Variants in PTK7 observed in about 807,000 individuals in gnomAD.
PTK7 encodes the protein inactive tyrosine-protein kinase 7.
PTK7 carries 39 observed loss-of-function variants against 116.6 expected under a neutral mutation model. The ratio of observed to expected loss-of-function variants is 0.33; its 90% CI spans 0.26 to 0.44. The LOEUF (loss-of-function observed/expected upper bound fraction) is 0.44, where lower values mean the gene tolerates loss of function less well. Ranked by LOEUF, PTK7 falls within the 20% of genes least tolerant of loss-of-function variation. The pLI is 1.00. For missense variants in PTK7, 1,169 were observed against 1,425.6 expected, an observed-to-expected ratio of 0.82 and a Z score of 2.90; for synonymous variants, 546 against 563.6, an observed-to-expected ratio of 0.97 and a Z score of 0.44.
At chr6:43,128,768 A>G (rs1769451011) in intron 1 of PTK7, among the ~76,000 whole-genome samples, 1 of 152,214 alleles carries the variant, frequency 6.6e-6, no homozygotes, top group Admixed American at 6.5e-5. Context: ...CTGGGTGACA[A>G]GAGCAAAAAA....
chr6:43,159,824 G>A lies in PTK7; in HGVS notation c.2910G>A (p.Leu970=), dbSNP rs758982422. 6.2e-7 allele frequency: 1 copy of A among 1,614,244 alleles called. No individual in the cohort carries two copies. The highest frequency in any genetic ancestry group is 1.3e-5 in the African/African-American group (1 of 75,070). Reference sequence around the variant, plus strand: ...ACTTCCGCCAGGCCTGGGTGCCGCTGCGCTGGATGTCCCCCGAGGCCATCC... The same window carrying A: ...ACTTCCGCCAGGCCTGGGTGCCGCTACGCTGGATGTCCCCCGAGGCCATCC... ...YYHFRQAWVP[L]RWMSPEAILE... Residue 970 remains leucine, a synonymous_variant, in exon 19 of 20, where the codon CTG becomes CTA. Transcript: ENST00000230419.
intron 17 of PTK7, among the ~76,000 whole-genome samples, chr6:43,149,036 G>A (rs1770899516): frequency 7.2e-6 from 1 of 138,010 alleles, no homozygotes; most frequent in Admixed American, 8.0e-5. Flanking sequence ...TCCAGCCTGG[G>A]AGACAAGAGC....
In PTK7 at chr6:43,141,308, G is replaced by C. The variant is rs1177436771; in HGVS notation, c.1619-360G>C. On this transcript the variant is annotated intron_variant, in intron 10 of 19. Coordinates refer to ENST00000230419, the MANE Select transcript of PTK7 (RefSeq NM_002821.5). The surrounding 1 kb of genome is among the most constrained non-coding windows in gnomAD (Gnocchi z 4.9). Reference sequence around the variant, plus strand: ...CTGCTCAGGTCTGGGGGAACTTTCTGGGAGAGGTGAGGCTTAAAATGGATC... The same window carrying C: ...CTGCTCAGGTCTGGGGGAACTTTCTCGGAGAGGTGAGGCTTAAAATGGATC... Among the ~76,000 whole-genome samples, 2 of 152,110 alleles carry C rather than the reference G, an allele frequency of 1.3e-5. No individual in the cohort carries two copies. Among genetic ancestry groups the C allele is most frequent in the Non-Finnish European group, 2.9e-5 (2 of 68,014 alleles).
chr6:43,081,415 G>GT (rs1044135059), intron 1 of PTK7, among the ~76,000 whole-genome samples: 10 of 151,454 alleles, frequency 6.6e-5, no homozygotes, highest in East Asian at 1.9e-4. Flanking sequence ...GTTTGTTTTT[G>GT]TTTTTTTTGA....
Position 43,130,434 on chromosome 6 carries a change from G to C in PTK7, c.661+14G>C. On this transcript the variant is annotated intron_variant, in intron 4 of 19. Transcript: ENST00000230419. ...TGAGCATTGCTGGTGAGCCTGGGGT[G>C]GGGGCGGAAGGGATGAGGTGAGCAC... 6.2e-7 allele frequency: 1 copy of C among 1,602,326 alleles called. No homozygotes were observed. The highest frequency in any genetic ancestry group is 8.5e-7 in the Non-Finnish European group (1 of 1,170,852).
chr6:43,133,779 T>C (rs1274781397), intron 7 of PTK7: 2 of 152,208 alleles, frequency 1.3e-5, no homozygotes, highest in Non-Finnish European at 1.5e-5. Context: ...GTTACTATTA[T>C]CTTTCCGAGT....
At chr6:43,127,379 C>T (rs1157167636) in intron 1 of PTK7, among the ~76,000 whole-genome samples, 1 of 152,240 alleles carries the variant, frequency 6.6e-6, no homozygotes, top group East Asian at 1.9e-4. Context: ...CTGCCGCCGC[C>T]GTAACCATGC....
intron 1 of PTK7, among the ~76,000 whole-genome samples, chr6:43,109,647 G>A (rs915654156): frequency 6.6e-6 from 1 of 151,764 alleles, no homozygotes; most frequent in Non-Finnish European, 1.5e-5. Context: ...CATTTGATGG[G>A]TAGAACTCGT....
intron 1 of PTK7, among the ~76,000 whole-genome samples, chr6:43,121,236 T>C (rs1031320608): frequency 2.6e-5 from 4 of 152,116 alleles, no homozygotes; most frequent in Non-Finnish European, 5.9e-5. Context: ...GCCTTACTCC[T>C]GCCATTAGAG....
chr6:43,150,360 C>CT (rs1190378128), intron 17 of PTK7, among the ~76,000 whole-genome samples: 1 of 152,220 alleles, frequency 6.6e-6, no homozygotes, highest in African/African-American at 2.4e-5. Context: ...ACTCCAGTGG[C>CT]TATCTGATGG....
chr6:43,104,755 T>C (rs1195978238), intron 1 of PTK7, among the ~76,000 whole-genome samples: 2 of 151,544 alleles, frequency 1.3e-5, no homozygotes, highest in African/African-American at 4.9e-5. Flanking sequence ...GTCTCTCAGG[T>C]TGACAAAGAT....
rs1766036343 is a variant in PTK7 at position 43,076,730 on chromosome 6, G to A, written c.79+163G>A. On this transcript the variant is annotated intron_variant, in intron 1 of 19. Coordinates refer to ENST00000230419, the MANE Select transcript of PTK7 (RefSeq NM_002821.5). This position sits in a 1 kb window ranked among gnomAD's most constrained non-coding sequence, Gnocchi z 5.7. Reference sequence around the variant, plus strand: ...TGCGGCGGAAGGGCGCAAGGAGCCCGGGTGTCGGGAGGCTGGCGAAGCCTC... The same window carrying A: ...TGCGGCGGAAGGGCGCAAGGAGCCCAGGTGTCGGGAGGCTGGCGAAGCCTC... The A allele has an allele frequency of 1.5e-6, 2 of 1,376,674 alleles. No individual in the cohort carries two copies. Among genetic ancestry groups the A allele is most frequent in the African/African-American group, 1.5e-5 (1 of 67,076 alleles). The allele number at this position is 1,376,674 out of a possible 1,614,324, so 85.3% of individuals were successfully genotyped here. A position where few individuals can be genotyped will look rare whatever the true frequency, so the allele number is the denominator to read the frequency against.
At chr6:43,092,852 G>A (rs1203761040) in intron 1 of PTK7, among the ~76,000 whole-genome samples, 1 of 152,130 alleles carries the variant, frequency 6.6e-6, no homozygotes, top group Non-Finnish European at 1.5e-5. Flanking sequence ...TTATAGCTGT[G>A]ATGGTTATCT....
intron 17 of PTK7, among the ~76,000 whole-genome samples, chr6:43,157,744 G>T (rs950382820): frequency 2.0e-5 from 3 of 151,668 alleles, no homozygotes; most frequent in Non-Finnish European, 4.4e-5. Context: ...TATATTTTTT[G>T]AGATGGAGTT....
At chr6:43,155,018 G>T (rs960832456) in intron 17 of PTK7, among the ~76,000 whole-genome samples, 17 of 152,332 alleles carry the variant, frequency 1.1e-4, no homozygotes, top group African/African-American at 3.8e-4. Flanking sequence ...CTTGTTTGGG[G>T]TGTGGCACAC....
At chr6:43,086,202 T>A (rs1046334540) in intron 1 of PTK7, among the ~76,000 whole-genome samples, 1 of 152,160 alleles carries the variant, frequency 6.6e-6, no homozygotes, top group African/African-American at 2.4e-5. Flanking sequence ...GGCAGACTTT[T>A]ATGATACCCA....
intron 7 of PTK7, among the ~76,000 whole-genome samples, chr6:43,134,110 C>G (rs1202345653): frequency 6.6e-6 from 1 of 152,192 alleles, no homozygotes; most frequent in Non-Finnish European, 1.5e-5. Flanking sequence ...GTGATCTTGG[C>G]TCACTGCAAC....
At chr6:43,153,863 C>T (rs905136531) in intron 17 of PTK7, among the ~76,000 whole-genome samples, 3 of 151,812 alleles carry the variant, frequency 2.0e-5, no homozygotes, top group Non-Finnish European at 4.4e-5. Flanking sequence ...AAGTGAGACT[C>T]TGTCTCTAAA....
Position 43,129,419 on chromosome 6 carries a change from A to T in PTK7, c.367+155A>T, listed in dbSNP as rs1769519178. 1 of 1,074,164 alleles carries T rather than the reference A, an allele frequency of 9.3e-7. No homozygotes were observed. Among genetic ancestry groups the T allele is most frequent in the Non-Finnish European group, 1.3e-6 (1 of 758,216 alleles). 66.5% of individuals were successfully genotyped at this position (1,074,164 alleles called of 1,614,324 possible). A position where few individuals can be genotyped will look rare whatever the true frequency, so the allele number is the denominator to read the frequency against. On this transcript the variant is annotated intron_variant, in intron 2 of 19. Coordinates refer to ENST00000230419, the MANE Select transcript of PTK7 (RefSeq NM_002821.5). This position sits in a 1 kb window ranked among gnomAD's most constrained non-coding sequence, Gnocchi z 4.5. ...AGCTTTTTTTGCTCATGTGGATAAGAGGAAATTAAAAGTTATATTTTTTCC... is the reference window on the plus strand; with the variant it reads ...AGCTTTTTTTGCTCATGTGGATAAGTGGAAATTAAAAGTTATATTTTTTCC...
Sources: gnomAD v4.1 joint callset for allele counts (sites outside exome capture counted in the v4.1 genomes callset) on GRCh38, gnomAD v4.1.1 for gene constraint, Gnocchi (gnomAD v3.1) non-coding constraint, MANE v1.5 for transcripts, NCBI Gene and HGNC (gene_info 2026-07-23, HGNC 2026-07-21) for gene names.